CMTM4: variants seen among roughly 807,000 people sequenced by gnomAD.
The protein encoded by CMTM4 is CKLF-like MARVEL transmembrane domain-containing protein 4.
Under a neutral mutation model 19.0 loss-of-function variants are expected in CMTM4, and 8 were observed. The ratio of observed to expected loss-of-function variants is 0.42; its 90% CI spans 0.25 to 0.76. CMTM4 has a LOEUF of 0.76. Ranked by LOEUF, CMTM4 falls within the 30% of genes least tolerant of loss-of-function variation. The pLI is 0.27. For missense variants in CMTM4, 228 were observed against 290.2 expected (o/e 0.79, Z 1.56); for synonymous variants, 106 against 121.1 (o/e 0.88, Z 0.82).
At chr16:66,604,942 TG>T in the CMTM4 span, 1 of 1,503,914 alleles carries the variant, frequency 6.6e-7, no homozygotes, top group Non-Finnish European at 8.8e-7. Flanking sequence ...CGCCTCCTGC[TG>T]GCCGAGTCGG....
chr16:66,608,617 C>T, the CMTM4 span, among the ~76,000 whole-genome samples: 1 of 152,186 alleles, frequency 6.6e-6, no homozygotes, highest in African/African-American at 2.4e-5. This position sits in a 1 kb window ranked among gnomAD's most constrained non-coding sequence, Gnocchi z 5.1. Context: ...TTCAGATCAT[C>T]CCAGCTCCAC....
At chr16:66,682,394 T>TC (rs1437237773) in intron 1 of CMTM4, among the ~76,000 whole-genome samples, 2 of 152,044 alleles carry the variant, frequency 1.3e-5, no homozygotes, top group Non-Finnish European at 2.9e-5. Flanking sequence ...TTTTTTTTTT[T>TC]CCACTGGCAC....
chr16:66,621,965 C>G lies in CMTM4; in HGVS notation c.*93G>C. 1.4e-6 allele frequency: 2 copies of G among 1,474,290 alleles called. No homozygotes were observed. Among genetic ancestry groups the G allele is most frequent in the Non-Finnish European group, 1.8e-6 (2 of 1,107,962 alleles). The allele number at this position is 1,474,290 out of a possible 1,614,324, so 91.3% of individuals were successfully genotyped here. On this transcript the variant is annotated 3_prime_UTR_variant, in exon 4 of 4. Transcript: ENST00000394106. ...TTTTACCAAAGAGGACAAAATTCAA[C>G]TGAATCACATGGAAATCTGACAGGA...
chr16:66,626,209 C>T (rs564556710), intron 2 of CMTM4, among the ~76,000 whole-genome samples: 3 of 152,090 alleles, frequency 2.0e-5, no homozygotes, highest in Admixed American at 1.3e-4. Context: ...CCGAGGTGGG[C>T]GGATCACCTG....
rs890735965 is a variant in CMTM4 at position 66,692,342 on chromosome 16, G to A, written c.186+3998C>T. 5.3e-5 allele frequency among the ~76,000 whole-genome samples: 8 copies of A among 152,032 alleles called. No individual in the cohort carries two copies. In the East Asian group the frequency reaches 5.8e-4, roughly 11 times the overall value. ...TGACCTCAAGTGATCCAGCCACCTC[G>A]GACTCCCAAAGTGCTGGCATTACAG... On this transcript the variant is annotated intron_variant, in intron 1 of 3. Transcript: ENST00000394106.
At chr16:66,640,208 A>T (rs748311737) in intron 1 of CMTM4, among the ~76,000 whole-genome samples, 10 of 152,078 alleles carry the variant, frequency 6.6e-5, no homozygotes, top group Non-Finnish European at 1.3e-4. Context: ...GGCTGAAACA[A>T]GAGAACTGCT....
At chr16:66,651,421 T>G (rs901365827) in intron 1 of CMTM4, among the ~76,000 whole-genome samples, 1 of 152,158 alleles carries the variant, frequency 6.6e-6, no homozygotes, top group Non-Finnish European at 1.5e-5. Context: ...GGCTTCCATT[T>G]AGGGAGCATC....
At chr16:66,633,325 T>C (rs1246342325) in intron 2 of CMTM4, among the ~76,000 whole-genome samples, 3 of 151,854 alleles carry the variant, frequency 2.0e-5, no homozygotes, top group Non-Finnish European at 4.4e-5. Flanking sequence ...TTTAAATCTA[T>C]ACCAATCACA....
At chr16:66,666,107 GGAAA>G (rs1212412199) in intron 1 of CMTM4, among the ~76,000 whole-genome samples, 1 of 147,786 alleles carries the variant, frequency 6.8e-6, no homozygotes, top group African/African-American at 2.5e-5. Context: ...GAAAGGAAAA[GGAAA>G]GAAAGAGAAA....
the CMTM4 span, among the ~76,000 whole-genome samples, chr16:66,600,827 T>G: frequency 6.6e-6 from 1 of 152,212 alleles, no homozygotes; most frequent in Non-Finnish European, 1.5e-5. Flanking sequence ...TAAATGAATG[T>G]CAAGAAAGGC....
At chr16:66,692,950 G>C (rs1017431627) in intron 1 of CMTM4, among the ~76,000 whole-genome samples, 13 of 151,766 alleles carry the variant, frequency 8.6e-5, no homozygotes, top group Non-Finnish European at 1.3e-4. Context: ...ATGGCCAGTC[G>C]CAGTAGCTCA....
At chr16:66,684,341 T>TA (rs1408639467) in intron 1 of CMTM4, among the ~76,000 whole-genome samples, 2 of 151,786 alleles carry the variant, frequency 1.3e-5, no homozygotes, top group Non-Finnish European at 2.9e-5. Context: ...GCCTAGCTAA[T>TA]TTTTTTTGCA....
intron 1 of CMTM4, among the ~76,000 whole-genome samples, chr16:66,648,945 C>A (rs886224123): frequency 1.3e-5 from 2 of 152,154 alleles, no homozygotes; most frequent in African/African-American, 4.8e-5. Context: ...GCACTCCAGC[C>A]TGGCTGACAG....
Position 66,620,021 on chromosome 16 carries a change from T to C in CMTM4, c.*2037A>G. 1.0e-6 allele frequency: 1 copy of C among 985,400 alleles called. No homozygotes were observed. Among genetic ancestry groups the C allele is most frequent in the Non-Finnish European group, 1.2e-6 (1 of 829,918 alleles). The allele number at this position is 985,400 out of a possible 1,614,324, so 61.0% of individuals were successfully genotyped here. On this transcript the variant is annotated 3_prime_UTR_variant, in exon 4 of 4. Transcript: ENST00000394106. ...TCTTTCACCAGATGATCAAGTGGTT[T>C]TACTGAAGTGAGCTGGGAAAACTTG...
In CMTM4 at chr16:66,621,335, G is replaced by C; in HGVS notation, c.*723C>G. On this transcript the variant is annotated 3_prime_UTR_variant, in exon 4 of 4. Coordinates refer to ENST00000394106, the MANE Select transcript of CMTM4 (RefSeq NM_181521.3). ...CTGCAATTCAGCCTCAAAGTATTTAGGGTAGGCAGGAAACTGGAAAACAAG... is the reference window on the plus strand; with the variant it reads ...CTGCAATTCAGCCTCAAAGTATTTACGGTAGGCAGGAAACTGGAAAACAAG... 1.0e-6 allele frequency: 1 copy of C among 985,722 alleles called. No homozygotes were observed. The highest frequency in any genetic ancestry group is 1.2e-6 in the Non-Finnish European group (1 of 829,940). The allele number at this position is 985,722 out of a possible 1,614,324, so 61.1% of individuals were successfully genotyped here. A position where few individuals can be genotyped will look rare whatever the true frequency, so the allele number is the denominator to read the frequency against.
the CMTM4 span, chr16:66,609,529 G>T: frequency 6.3e-7 from 1 of 1,596,134 alleles, no homozygotes; most frequent in East Asian, 2.3e-5. The surrounding 1 kb of genome is among the most constrained non-coding windows in gnomAD (Gnocchi z 4.4). Context: ...AAAGCCGCTG[G>T]GGTGAGCAGC....
the CMTM4 span, among the ~76,000 whole-genome samples, chr16:66,600,136 G>GTGGTTTTTT: frequency 8.9e-5 from 12 of 135,160 alleles, no homozygotes; most frequent in Admixed American, 1.6e-4. Context: ...GTGTGTGTGT[G>GTGGTTTTTT]TTTTTTTTTG....
intron 1 of CMTM4, among the ~76,000 whole-genome samples, chr16:66,649,459 CATCTATCT>C (rs71378403): frequency 0.028 from 4,165 of 149,468 alleles, 124 homozygotes; most frequent in South Asian, 0.12. Flanking sequence ...TCTATCTATC[CATCTATCT>C]ATCTATCTAT....
At chr16:66,688,241 A>G (rs2017071565) in intron 1 of CMTM4, among the ~76,000 whole-genome samples, 1 of 152,162 alleles carries the variant, frequency 6.6e-6, no homozygotes, top group Non-Finnish European at 1.5e-5. Context: ...TCTTAATACT[A>G]TCACACTGGG....
Sources: gnomAD v4.1 joint callset for allele counts (sites outside exome capture counted in the v4.1 genomes callset) on GRCh38, gnomAD v4.1.1 for gene constraint, Gnocchi (gnomAD v3.1) non-coding constraint, MANE v1.5 for transcripts, NCBI Gene and HGNC (gene_info 2026-07-23, HGNC 2026-07-21) for gene names.